The following MAF variants were observed in gnomAD, a reference collection of about 807,000 sequenced individuals.
MAF encodes MAF bZIP transcription factor.
In MAF, 10 loss-of-function variants were observed where a neutral mutation model predicts 22.0. The ratio of observed to expected loss-of-function variants is 0.45; its 90% CI spans 0.28 to 0.77. MAF has a LOEUF of 0.77. MAF is among the 30% of genes least tolerant of loss of function. MAF has a pLI of 0.12. For synonymous variants in MAF, 337 were observed against 255.8 expected, an observed-to-expected ratio of 1.32 and a Z score of -3.03; for missense variants, 544 against 548.4, an observed-to-expected ratio of 0.99 and a Z score of 0.08.
the MAF span, among the ~76,000 whole-genome samples, chr16:79,371,538 C>T: frequency 3.9e-5 from 6 of 152,312 alleles, no homozygotes; most frequent in Admixed American, 1.3e-4. Context: ...CCTTCCAAAT[C>T]GCCTTCTAGG....
chr16:79,233,971 G>C, the MAF span, among the ~76,000 whole-genome samples: 10,765 of 146,446 alleles, frequency 0.074, 571 homozygotes, highest in Middle Eastern at 0.15. Flanking sequence ...CAGTCTGGGC[G>C]AAAGAGTGAG....
chr16:79,350,326 A>G, the MAF span, among the ~76,000 whole-genome samples: 1 of 152,164 alleles, frequency 6.6e-6, no homozygotes, highest in Non-Finnish European at 1.5e-5. Context: ...ATATAGAACA[A>G]TCCTTGACCT....
the MAF span, among the ~76,000 whole-genome samples, chr16:79,482,579 C>A: frequency 6.6e-6 from 1 of 152,138 alleles, no homozygotes; most frequent in East Asian, 1.9e-4. Context: ...TCACCAACTT[C>A]ATCACCACCT....
chr16:79,366,986 G>A, the MAF span, among the ~76,000 whole-genome samples: 1 of 152,108 alleles, frequency 6.6e-6, no homozygotes, highest in Non-Finnish European at 1.5e-5. Context: ...TGCCATTGTT[G>A]TTGCTCCTAA....
chr16:79,544,249 A>C, the MAF span, among the ~76,000 whole-genome samples: 3 of 152,168 alleles, frequency 2.0e-5, no homozygotes, highest in Admixed American at 1.3e-4. Context: ...GATTTAAATT[A>C]ATTAAAATTA....
chr16:79,595,432 G>A (rs977802630), intron 1 of MAF: 21 of 1,055,038 alleles, frequency 2.0e-5, no homozygotes, highest in Admixed American at 5.4e-5. Context: ...TTTTAAGAAC[G>A]GCAGAAAACA....
the MAF span, among the ~76,000 whole-genome samples, chr16:79,552,983 T>C: frequency 6.6e-6 from 1 of 152,112 alleles, no homozygotes; most frequent in Non-Finnish European, 1.5e-5. Flanking sequence ...GAGGTAAAAT[T>C]GAAAAAACAT....
the MAF span, among the ~76,000 whole-genome samples, chr16:79,301,626 T>G: frequency 0.065 from 1,382 of 21,324 alleles, 6 homozygotes; most frequent in South Asian, 0.12. Context: ...TGCATTTTAT[T>G]ATATCTATGT....
chr16:79,228,366 T>G, the MAF span, among the ~76,000 whole-genome samples: 21 of 152,096 alleles, frequency 1.4e-4, 1 homozygote, highest in Admixed American at 1.3e-3. Context: ...AAGGTGGGTC[T>G]GATCTCCTAA....
chr16:79,306,456 T>G, the MAF span, among the ~76,000 whole-genome samples: 5 of 152,214 alleles, frequency 3.3e-5, no homozygotes, highest in Admixed American at 3.3e-4. Flanking sequence ...GGTAAGCCCC[T>G]GACCCACGGA....
the MAF span, among the ~76,000 whole-genome samples, chr16:79,348,890 A>T: frequency 6.6e-6 from 1 of 152,172 alleles, no homozygotes; most frequent in Non-Finnish European, 1.5e-5. Flanking sequence ...GGTGTTGTTA[A>T]GCGTTCCGGT....
chr16:79,362,967 G>A, the MAF span, among the ~76,000 whole-genome samples: 1 of 152,022 alleles, frequency 6.6e-6, no homozygotes, highest in Non-Finnish European at 1.5e-5. Flanking sequence ...TATCCAACTA[G>A]TAATCCTGTT....
chr16:79,368,660 C>G, the MAF span, among the ~76,000 whole-genome samples: 3 of 152,134 alleles, frequency 2.0e-5, no homozygotes, highest in Non-Finnish European at 4.4e-5. Context: ...TCAACTTCAA[C>G]TTCTGTCTCC....
chr16:79,475,303 G>T, the MAF span, among the ~76,000 whole-genome samples: 3 of 150,406 alleles, frequency 2.0e-5, no homozygotes, highest in African/African-American at 7.3e-5. Context: ...TTAATTCTCA[G>T]ACCCACATAT....
At chr16:79,504,063 T>C in the MAF span, among the ~76,000 whole-genome samples, 6 of 152,220 alleles carry the variant, frequency 3.9e-5, no homozygotes, top group African/African-American at 1.4e-4. Flanking sequence ...CTTCCACTCA[T>C]GTTCTTTTAA....
the MAF span, among the ~76,000 whole-genome samples, chr16:79,402,059 T>C: frequency 1.3e-5 from 2 of 152,104 alleles, no homozygotes; most frequent in African/African-American, 4.8e-5. Context: ...GACTGTGGGA[T>C]CAGAAGAATG....
the MAF span, among the ~76,000 whole-genome samples, chr16:79,349,419 C>G: frequency 6.6e-6 from 1 of 152,212 alleles, no homozygotes; most frequent in Non-Finnish European, 1.5e-5. Context: ...AGTTACTTCT[C>G]TCTCTAGACC....
the MAF span, among the ~76,000 whole-genome samples, chr16:79,543,752 T>C: frequency 2.0e-5 from 3 of 148,858 alleles, no homozygotes; most frequent in Admixed American, 2.0e-4. Flanking sequence ...AGTGGTGCAA[T>C]CTCGGCTCAC....
the MAF span, among the ~76,000 whole-genome samples, chr16:79,519,728 T>G: frequency 2.6e-5 from 4 of 152,248 alleles, no homozygotes; most frequent in Non-Finnish European, 5.9e-5. Flanking sequence ...TGTACTGGTT[T>G]GCACTTCCTG....
Sources: allele counts gnomAD v4.1 joint callset (sites outside exome capture counted in the v4.1 genomes callset), GRCh38; gene constraint gnomAD v4.1.1; transcripts MANE v1.5; gene names NCBI Gene and HGNC (gene_info 2026-07-23, HGNC 2026-07-21).